Variants in TNKS2 observed in about 807,000 individuals in gnomAD.
TNKS2 encodes tankyrase 2.
A neutral mutation model predicts 137.6 loss-of-function variants in TNKS2; 72 were observed. That is an observed-to-expected ratio of 0.52 (90% CI 0.43 to 0.64). The LOEUF is 0.64. TNKS2 is among the 30% of genes least tolerant of loss of function. The pLI is 0.00. For missense variants in TNKS2, 1,049 were observed against 1,410.2 expected, an observed-to-expected ratio of 0.74 and a Z score of 4.10; for synonymous variants, 516 against 512.1, an observed-to-expected ratio of 1.01 and a Z score of -0.10.
rs1179398994 is a variant in TNKS2, at chr10:91,851,306, G to A, written c.2785G>A (p.Gly929Arg). The change falls in exon 21 of 27, where the codon GGA becomes AGA. Residue 929 changes from glycine to arginine, a missense_variant. Physicochemically the swap from Gly to Arg is moderately radical, Grantham distance 125. This residue lies in a region of TNKS2 where 208 missense variants were observed against 231.2 expected (regional missense o/e 0.90). Coordinates refer to ENST00000371627, the MANE Select transcript of TNKS2 (RefSeq NM_025235.4). ...AYGHRHKLIK[G>R]VERLISGQQG... ...TGGACATAGGCACAAACTAATTAAA[G>A]GAGTCGAGAGACTTATCTCCGGACA... is the stretch of plus-strand genomic sequence containing the variant. The A allele has an allele frequency of 6.2e-7, 1 of 1,607,892 alleles. No individual in the cohort carries two copies. Among genetic ancestry groups the A allele is most frequent in the Non-Finnish European group, 8.5e-7 (1 of 1,178,652 alleles).
intron 21 of TNKS2, among the ~76,000 whole-genome samples, chr10:91,854,536 A>G (rs11598220): frequency 0.094 from 14,331 of 152,206 alleles, 769 homozygotes; most frequent in East Asian, 0.19. Context: ...AAAGTGGGTG[A>G]AGGGTACATA....
In TNKS2 at chr10:91,859,565, C is replaced by T; in HGVS notation, c.3198C>T (p.Ser1066=). The T allele has an allele frequency of 6.2e-7, 1 of 1,613,934 alleles. No homozygotes were observed. Among genetic ancestry groups the T allele is most frequent in the South Asian group, 1.1e-5 (1 of 91,074 alleles). The change falls in exon 25 of 27, where the codon TCC becomes TCT. Residue 1066 remains serine (S), a synonymous_variant. Transcript: ENST00000371627. ...GCATTTATTTTGCTGAAAACTCTTC[C>T]AAAAGCAATCAATATGTATATGGAA... ...GAGIYFAENS[S]KSNQYVYGIG...
chr10:91,799,423 T>C (rs1844085371), intron 1 of TNKS2, among the ~76,000 whole-genome samples: 1 of 152,164 alleles, frequency 6.6e-6, no homozygotes. Context: ...ACCAAGTTTC[T>C]GGAGTGACTA....
intron 2 of TNKS2, 64 bp downstream of exon 2, chr10:91,813,271 A>T: frequency 7.4e-7 from 1 of 1,342,910 alleles, no homozygotes; most frequent in Non-Finnish European, 1.1e-6. Flanking sequence ...GAACTGAATT[A>T]ATCTGTTCAT....
At chr10:91,846,436 C>G (rs921315119) in intron 18 of TNKS2, among the ~76,000 whole-genome samples, 28 of 152,214 alleles carry the variant, frequency 1.8e-4, no homozygotes, top group Non-Finnish European at 2.9e-4. Flanking sequence ...TGAAACAAGT[C>G]TATTATCCAC....
intron 18 of TNKS2, 21 bp from the exon 19 acceptor site, chr10:91,848,362 T>G: frequency 6.2e-7 from 1 of 1,601,666 alleles, no homozygotes; most frequent in Non-Finnish European, 8.5e-7. Context: ...TGGCAGATGT[T>G]GTCTCTGACA....
At chr10:91,807,772 C>T (rs939442980) in intron 1 of TNKS2, among the ~76,000 whole-genome samples, 1 of 152,048 alleles carries the variant, frequency 6.6e-6, no homozygotes, top group Non-Finnish European at 1.5e-5. Flanking sequence ...AGGCGAGCGG[C>T]TCACGAGGTC....
chr10:91,801,214 A>G (rs1589636290), intron 1 of TNKS2, among the ~76,000 whole-genome samples: 2 of 152,220 alleles, frequency 1.3e-5, no homozygotes, highest in South Asian at 2.1e-4. Flanking sequence ...TTCATCCCCA[A>G]AAGTTAGTTC....
At chr10:91,803,027 A>C (rs1041217435) in intron 1 of TNKS2, among the ~76,000 whole-genome samples, 1 of 152,184 alleles carries the variant, frequency 6.6e-6, no homozygotes, top group Non-Finnish European at 1.5e-5. Context: ...TACTCCTTTC[A>C]GTGTACCCCC....
chr10:91,809,437 C>T (rs7069428), intron 1 of TNKS2, among the ~76,000 whole-genome samples: 10,009 of 151,906 alleles, frequency 0.066, 1,082 homozygotes, highest in African/African-American at 0.23. Context: ...GAGGCCGAGG[C>T]GGGCGGATCA....
intron 15 of TNKS2, 152 bp from the exon 16 acceptor site, chr10:91,842,020 A>G (rs1842222409): frequency 2.1e-6 from 1 of 479,234 alleles, no homozygotes; most frequent in African/African-American, 2.0e-5. Context: ...AATTCTTTGT[A>G]TAAACATTAG....
At chr10:91,844,824 G>A in intron 16 of TNKS2, 95 bp from the exon 17 acceptor site, 7 of 700,942 alleles carry the variant, frequency 1.0e-5, no homozygotes, top group Non-Finnish European at 1.7e-5. Context: ...ATGTATACAT[G>A]TAATGACTTT....
At chr10:91,814,280 T>A (rs564480944) in intron 2 of TNKS2, among the ~76,000 whole-genome samples, 2 of 152,270 alleles carry the variant, frequency 1.3e-5, no homozygotes, top group South Asian at 4.1e-4. Context: ...TTTTTTTGAA[T>A]AGAGAAAAGC....
At chr10:91,824,602 T>C (rs1254149348) in intron 7 of TNKS2, among the ~76,000 whole-genome samples, 1 of 152,254 alleles carries the variant, frequency 6.6e-6, no homozygotes, top group African/African-American at 2.4e-5. Context: ...CAGTAGGGCC[T>C]GAAGTTTCTA....
At chr10:91,836,303 G>GT (rs1384935533) in intron 12 of TNKS2, among the ~76,000 whole-genome samples, 1 of 151,542 alleles carries the variant, frequency 6.6e-6, no homozygotes, top group African/African-American at 2.4e-5. Flanking sequence ...ATATTCCCCC[G>GT]TTTTCTTCTA....
chr10:91,856,515 A>G (rs1345931055), intron 23 of TNKS2, among the ~76,000 whole-genome samples: 1 of 152,226 alleles, frequency 6.6e-6, no homozygotes, highest in African/African-American at 2.4e-5. Context: ...CACTTTGTCT[A>G]CAAGCATTAA....
At chr10:91,830,639 A>G (rs1845216937) in intron 9 of TNKS2, among the ~76,000 whole-genome samples, 1 of 152,254 alleles carries the variant, frequency 6.6e-6, no homozygotes, top group Non-Finnish European at 1.5e-5. Flanking sequence ...TATTGGTCAC[A>G]TTAAGGTTTT....
At chr10:91,834,279 G>A (rs967076457) in intron 12 of TNKS2, among the ~76,000 whole-genome samples, 1 of 152,044 alleles carries the variant, frequency 6.6e-6, no homozygotes, top group African/African-American at 2.4e-5. Context: ...AGTTTTTATC[G>A]AGAAAGTTTT....
At chr10:91,860,555 A>C (rs1281152112) in intron 25 of TNKS2, among the ~76,000 whole-genome samples, 2 of 152,324 alleles carry the variant, frequency 1.3e-5, no homozygotes, top group East Asian at 3.9e-4. Flanking sequence ...TTGGCAGCAC[A>C]TTGGAATCAC....
Sources: gnomAD v4.1 joint callset for allele counts (sites outside exome capture counted in the v4.1 genomes callset) on GRCh38, gnomAD v4.1.1 for gene constraint, gnomAD v4.1.1 regional missense constraint, MANE v1.5 for transcripts, NCBI Gene and HGNC (gene_info 2026-07-23, HGNC 2026-07-21) for gene names.